Variants in DMD observed in about 807,000 individuals in gnomAD.
The protein encoded by DMD is mutant dystrophin.
A neutral mutation model predicts 330.1 loss-of-function variants in DMD; 63 were observed. The ratio of observed to expected loss-of-function variants is 0.19; its 90% CI spans 0.16 to 0.24. DMD has a LOEUF of 0.24. Among genes scored for constraint, DMD ranks in the 10% least tolerant of loss-of-function variants. The probability of loss-of-function intolerance (pLI) is 1.00; values close to 1 mark genes in which losing one functional copy is unlikely to be tolerated. For missense variants in DMD, 3,344 were observed against 2,684.1 expected (o/e 1.25, Z -5.43); for synonymous variants, 1,223 against 959.8 (o/e 1.27, Z -5.07).
At chrX:32,454,983 A>T in intron 25 of DMD, 151 bp from the exon 26 acceptor site, 1 of 590,609 alleles carries the variant, frequency 1.7e-6, no homozygotes, top group Non-Finnish European at 2.5e-6. Context: ...ACTCATGGGG[A>T]TCAGATACAC....
At chrX:31,566,172 T>C (rs2075454017) in intron 55 of DMD, among the ~76,000 whole-genome samples, 1 of 112,093 alleles carries the variant, frequency 8.9e-6, no homozygotes, top group Non-Finnish European at 1.9e-5. Flanking sequence ...ATGCCAATTC[T>C]AGCCCTAGAG....
chrX:32,565,919 T>G lies in DMD; in HGVS notation c.1813-38A>C, dbSNP rs141034376. The stretch of plus-strand genomic sequence containing the variant: ...GAAAGATCACAGAATAAGCCTGGGT[T>G]GCATTCCATACACCACTATAGTTCA... On this transcript the variant is annotated intron_variant, in intron 15 of 78. Coordinates refer to ENST00000357033, the MANE Select transcript of DMD (RefSeq NM_004006.3). 934 of 1,122,641 alleles carry G rather than the reference T, an allele frequency of 8.3e-4. 4 individuals carry two copies. In the East Asian group the frequency reaches 0.021, roughly 25 times the overall value. The allele number at this position is 1,122,641 out of a possible 1,213,427, so 92.5% of individuals were successfully genotyped here. A position where few individuals can be genotyped will look rare whatever the true frequency, so the allele number is the denominator to read the frequency against.
chrX:33,000,346 G>GT (rs1281141534), intron 2 of DMD, among the ~76,000 whole-genome samples: 1 of 111,875 alleles, frequency 8.9e-6, no homozygotes, highest in Non-Finnish European at 1.9e-5. Context: ...TCAACTATAT[G>GT]TAATTGTTTC....
chrX:32,337,107 T>A (rs1389377530), intron 41 of DMD, among the ~76,000 whole-genome samples: 1 of 111,326 alleles, frequency 9.0e-6, no homozygotes, highest in African/African-American at 3.3e-5. Flanking sequence ...AGATGAGAGA[T>A]AATAATCTTG....
intron 42 of DMD, among the ~76,000 whole-genome samples, chrX:32,307,205 T>A (rs2097543662): frequency 9.0e-6 from 1 of 111,230 alleles, no homozygotes; most frequent in Admixed American, 9.6e-5. Flanking sequence ...GTGTGTAAGG[T>A]AGGACAGGGA....
chrX:31,258,420 T>G (rs1029361507), intron 63 of DMD, among the ~76,000 whole-genome samples: 1 of 112,784 alleles, frequency 8.9e-6, no homozygotes, highest in East Asian at 2.8e-4. Context: ...TGTTTGATTG[T>G]TACAAAACTA....
intron 43 of DMD, among the ~76,000 whole-genome samples, chrX:32,231,517 A>G (rs751907842): frequency 1.8e-5 from 2 of 112,342 alleles, no homozygotes; most frequent in Admixed American, 9.4e-5. Flanking sequence ...AAAATTAAAG[A>G]TTAAGATCTC....
chrX:32,381,253 T>C (rs1438811279), intron 33 of DMD, among the ~76,000 whole-genome samples: 1 of 111,604 alleles, frequency 9.0e-6, no homozygotes, highest in Non-Finnish European at 1.9e-5. Flanking sequence ...TCCTTAAACA[T>C]AATTTTGCCA....
intron 2 of DMD, among the ~76,000 whole-genome samples, chrX:32,934,144 G>A (rs1014214011): frequency 4.5e-5 from 5 of 111,602 alleles, no homozygotes; most frequent in Non-Finnish European, 9.4e-5. Context: ...AAAAACAATA[G>A]GTTGAGAGTT....
intron 44 of DMD, among the ~76,000 whole-genome samples, chrX:32,097,171 T>G (rs1048975800): frequency 9.0e-6 from 1 of 110,987 alleles, no homozygotes; most frequent in African/African-American, 3.3e-5. Flanking sequence ...CCATAGTGGT[T>G]TGCTGCACCT....
chrX:32,703,964 A>C (rs1410264295), intron 7 of DMD, among the ~76,000 whole-genome samples: 1 of 111,637 alleles, frequency 9.0e-6, no homozygotes, highest in Non-Finnish European at 1.9e-5. Flanking sequence ...GCTCACGGAC[A>C]CCAGATTTTA....
intron 12 of DMD, among the ~76,000 whole-genome samples, chrX:32,601,229 T>C (rs2149290469): frequency 9.0e-6 from 1 of 111,730 alleles, no homozygotes; most frequent in African/African-American, 3.2e-5. Flanking sequence ...TCCATGAAGA[T>C]CTATTTACGG....
At chrX:31,385,077 T>C (rs944611281) in intron 60 of DMD, among the ~76,000 whole-genome samples, 1 of 112,110 alleles carries the variant, frequency 8.9e-6, no homozygotes, top group African/African-American at 3.2e-5. Context: ...CTCCTCAAAA[T>C]TCCTACATGA....
At chrX:31,353,989 G>A (rs2058548589) in intron 60 of DMD, among the ~76,000 whole-genome samples, 1 of 111,893 alleles carries the variant, frequency 8.9e-6, no homozygotes, top group Non-Finnish European at 1.9e-5. Flanking sequence ...TTAGATCATA[G>A]ATCACGAAAG....
intron 2 of DMD, among the ~76,000 whole-genome samples, chrX:32,936,536 A>C (rs1165876021): frequency 8.9e-6 from 1 of 111,944 alleles, no homozygotes; most frequent in Non-Finnish European, 1.9e-5. Flanking sequence ...AGTTTCCCAG[A>C]AACAGGACAG....
intron 48 of DMD, among the ~76,000 whole-genome samples, chrX:31,839,382 C>A (rs768915864): frequency 8.9e-4 from 100 of 112,091 alleles, no homozygotes; most frequent in African/African-American, 3.1e-3. Flanking sequence ...CAAATAAATA[C>A]TGTTGCAACT....
intron 52 of DMD, among the ~76,000 whole-genome samples, chrX:31,698,708 T>C (rs1252535398): frequency 8.9e-6 from 1 of 111,984 alleles, no homozygotes; most frequent in Non-Finnish European, 1.9e-5. Flanking sequence ...GGGCATTTTT[T>C]TTCACTTAGA....
chrX:31,238,705 C>T (rs963522794), intron 63 of DMD, among the ~76,000 whole-genome samples: 2 of 112,133 alleles, frequency 1.8e-5, no homozygotes, highest in Middle Eastern at 4.6e-3. Context: ...ATGGCCTTCC[C>T]CGCTTCTCCG....
intron 30 of DMD, among the ~76,000 whole-genome samples, chrX:32,391,882 A>C (rs1245006982): frequency 1.8e-5 from 2 of 111,957 alleles, no homozygotes; most frequent in Non-Finnish European, 3.8e-5. Context: ...GGTTATGGCT[A>C]GGGCCTTTCA....
Sources: gnomAD v4.1 joint callset for allele counts (sites outside exome capture counted in the v4.1 genomes callset) on GRCh38, gnomAD v4.1.1 for gene constraint, MANE v1.5 for transcripts, NCBI Gene and HGNC (gene_info 2026-07-23, HGNC 2026-07-21) for gene names.